KBTBD4: variants seen among roughly 807,000 people sequenced by gnomAD.
The protein encoded by KBTBD4 is kelch repeat and BTB domain-containing protein 4.
Under a neutral mutation model 43.9 loss-of-function variants are expected in KBTBD4, and 30 were observed. That is an observed-to-expected ratio of 0.68 (90% CI 0.51 to 0.93). KBTBD4 has a LOEUF of 0.93. Ranked by LOEUF, KBTBD4 falls within the 40% of genes least tolerant of loss-of-function variation. The pLI is 0.00. For missense variants in KBTBD4, 575 were observed against 668.8 expected (o/e 0.86, Z 1.55); for synonymous variants, 258 against 256.9 (o/e 1.00, Z -0.04).
intron 2 of KBTBD4, chr11:47,576,329 G>C (rs1035558228): frequency 1.3e-5 from 2 of 151,188 alleles, no homozygotes; most frequent in Admixed American, 1.3e-4. Flanking sequence ...ACCATGCCCA[G>C]GTAATTTTTT....
At chr11:47,575,412 CAGG>C (rs1308570411) in intron 3 of KBTBD4, among the ~76,000 whole-genome samples, 178 bp downstream of exon 3, 1 of 150,590 alleles carries the variant, frequency 6.6e-6, no homozygotes, top group Non-Finnish European at 1.5e-5. Context: ...GAGGCTGAGG[CAGG>C]AGAATGGTGT....
Position 47,572,627 on chromosome 11 carries a change from A to G in KBTBD4, c.*303T>C, listed in dbSNP as rs1056618104. ...TGCTTACATTTAACATTGATCAGGTAAAGAGGAGAGGCTGTGCCTAAGGTC... is the reference window on the plus strand; with the variant it reads ...TGCTTACATTTAACATTGATCAGGTGAAGAGGAGAGGCTGTGCCTAAGGTC... On this transcript the variant is annotated 3_prime_UTR_variant, in exon 4 of 4. Transcript: ENST00000430070. The G allele has an allele frequency of 7.7e-6, 3 of 390,822 alleles. No homozygotes were observed. Among genetic ancestry groups the G allele is most frequent in the African/African-American group, 6.0e-5 (3 of 49,778 alleles). 24.2% of individuals were successfully genotyped at this position (390,822 alleles called of 1,614,324 possible).
rs368260283 is a variant in KBTBD4 at position 47,577,840 on chromosome 11, G to A, written c.208C>T (p.Arg70Trp). Residue 70 changes from arginine (R) to tryptophan (W), a missense_variant, in exon 2 of 4, where the codon CGG (arginine) becomes TGG (tryptophan). By Grantham distance (101) the Arg-to-Trp change is moderately radical (BLOSUM62 -3). Coordinates refer to ENST00000430070, the MANE Select transcript of KBTBD4 (RefSeq NM_018095.6). ...ACCAGCCGATGGAGCTGAAACTCCC[G>A]GCCTTCCACCGAAATGGTGACATCA... Reference protein sequence around the residue: ...FADVTISVEGREFQLHRLVLS... With the variant: ...FADVTISVEGWEFQLHRLVLS... 2.1e-5 allele frequency: 34 copies of A among 1,614,114 alleles called. No individual in the cohort carries two copies. Among genetic ancestry groups the A allele is most frequent in the African/African-American group, 2.7e-5 (2 of 75,010 alleles).
chr11:47,573,686 T>TA lies in KBTBD4; in HGVS notation c.848dup (p.Ser284LysfsTer40). 1 of 1,611,206 alleles carries TA rather than the reference T, an allele frequency of 6.2e-7. No homozygotes were observed. The highest frequency in any genetic ancestry group is 8.5e-7 in the Non-Finnish European group (1 of 1,180,020). ...GGTGGCACAAACTGTTTTGGCCACT[T>TA]ACACTGATGGAGTCATCTTCTGCAC... On this transcript the variant is annotated frameshift_variant, in exon 4 of 4. Coordinates refer to ENST00000430070, the MANE Select transcript of KBTBD4 (RefSeq NM_018095.6). LOFTEE classifies it high-confidence loss of function. This position sits in a 1 kb window ranked among gnomAD's most constrained non-coding sequence, Gnocchi z 4.1.
chr11:47,574,781 G>A (rs2097256044), intron 3 of KBTBD4, among the ~76,000 whole-genome samples: 2 of 152,088 alleles, frequency 1.3e-5, no homozygotes, highest in African/African-American at 2.4e-5. Flanking sequence ...TTGAACCCAG[G>A]AGGTAGAGGT....
Position 47,573,605 on chromosome 11 carries a change from G to A in KBTBD4, c.930C>T (p.Ile310=). 2 of 1,614,142 alleles carry A rather than the reference G, an allele frequency of 1.2e-6. No homozygotes were observed. The highest frequency in any genetic ancestry group is 1.7e-6 in the Non-Finnish European group (2 of 1,180,026). ...TGTTGCACTTCCACATGCGCCGTGG[G>A]ATGGACCCTCCCACCACATACAAGT... ...GGDLYVVGGS[I]PRRMWKCNNA... is the part of the protein sequence containing the mutation. The change falls in exon 4 of 4, where the codon ATC becomes ATT. Residue 310 remains isoleucine (I), a synonymous_variant. Coordinates refer to ENST00000430070, the MANE Select transcript of KBTBD4 (RefSeq NM_018095.6). This position sits in a 1 kb window ranked among gnomAD's most constrained non-coding sequence, Gnocchi z 4.1.
Position 47,573,863 on chromosome 11 carries a change from A to G in KBTBD4, c.745-73T>C. 1.5e-6 allele frequency: 2 copies of G among 1,354,696 alleles called. No homozygotes were observed. The highest frequency in any genetic ancestry group is 2.7e-5 in the South Asian group (2 of 73,500). 83.9% of individuals were successfully genotyped at this position (1,354,696 alleles called of 1,614,324 possible). A position where few individuals can be genotyped will look rare whatever the true frequency, so the allele number is the denominator to read the frequency against. ...AGGCTCAGCTAAGACACATATCCTTAAGATCCTGGCCCTCACACTTGTTCC... is the reference window on the plus strand; with the variant it reads ...AGGCTCAGCTAAGACACATATCCTTGAGATCCTGGCCCTCACACTTGTTCC... On this transcript the variant is annotated intron_variant, in intron 3 of 3. Coordinates refer to ENST00000430070, the MANE Select transcript of KBTBD4 (RefSeq NM_018095.6). This position sits in a 1 kb window ranked among gnomAD's most constrained non-coding sequence, Gnocchi z 4.1.
In KBTBD4 at chr11:47,572,272, C is replaced by A. The variant is rs1288991628; in HGVS notation, c.*658G>T. ...CTTAGAGCTTTTAAAAGAGCAGACA[C>A]CTTATATATTTGAGATTGAAAAAGT... On this transcript the variant is annotated 3_prime_UTR_variant, in exon 4 of 4. Coordinates refer to ENST00000430070, the MANE Select transcript of KBTBD4 (RefSeq NM_018095.6). 6 of 152,852 alleles carry A rather than the reference C, an allele frequency of 3.9e-5. No homozygotes were observed. 9.5% of individuals were successfully genotyped at this position (152,852 alleles called of 1,614,324 possible). A position where few individuals can be genotyped will look rare whatever the true frequency, so the allele number is the denominator to read the frequency against.
In KBTBD4 at chr11:47,578,934, T is replaced by C; in HGVS notation, c.18A>G (p.Ala6=). Residue 6 remains alanine (A), a splice_region_variant and synonymous_variant, in exon 1 of 4, where the codon GCA becomes GCG. Coordinates refer to ENST00000430070, the MANE Select transcript of KBTBD4 (RefSeq NM_018095.6). The part of the protein sequence containing the change: MKGGN[A]DSWQREKLAS... ...TACCTGCCTGTCTCGCTTTCTCACC[T>C]GCGTTCCCTCCTTTCATCCCGGAGC... 1 of 1,551,794 alleles carries C rather than the reference T, an allele frequency of 6.4e-7. No individual in the cohort carries two copies. The highest frequency in any genetic ancestry group is 8.7e-7 in the Non-Finnish European group (1 of 1,147,022).
chr11:47,572,731 G>T lies in KBTBD4; in HGVS notation c.*199C>A. 1 of 607,670 alleles carries T rather than the reference G, an allele frequency of 1.6e-6. No individual in the cohort carries two copies. Among genetic ancestry groups the T allele is most frequent in the South Asian group, 2.1e-5 (1 of 47,262 alleles). The allele number at this position is 607,670 out of a possible 1,614,324, so 37.6% of individuals were successfully genotyped here. A position where few individuals can be genotyped will look rare whatever the true frequency, so the allele number is the denominator to read the frequency against. On this transcript the variant is annotated 3_prime_UTR_variant, in exon 4 of 4. Coordinates refer to ENST00000430070, the MANE Select transcript of KBTBD4 (RefSeq NM_018095.6). ...ATGGCAGAGAACAGGCTGGCCTACTGTCAGTTCAAGCAACCAGCTGAGCAG... is the reference window on the plus strand; with the variant it reads ...ATGGCAGAGAACAGGCTGGCCTACTTTCAGTTCAAGCAACCAGCTGAGCAG...
intron 2 of KBTBD4, among the ~76,000 whole-genome samples, chr11:47,576,013 T>C (rs1403433615): frequency 6.6e-6 from 1 of 151,840 alleles, no homozygotes; most frequent in Non-Finnish European, 1.5e-5. Flanking sequence ...CCACCACGCC[T>C]GGCTAATTTT....
Position 47,572,813 on chromosome 11 carries a change from G to T in KBTBD4, c.*117C>A. On this transcript the variant is annotated 3_prime_UTR_variant, in exon 4 of 4. Coordinates refer to ENST00000430070, the MANE Select transcript of KBTBD4 (RefSeq NM_018095.6). ...TCCATGGATTCAGGGAAGGGCTGAGGCACTGCCTTTCTAGTATGTGCCAAA... is the reference window on the plus strand; with the variant it reads ...TCCATGGATTCAGGGAAGGGCTGAGTCACTGCCTTTCTAGTATGTGCCAAA... 2 of 1,054,222 alleles carry T rather than the reference G, an allele frequency of 1.9e-6. No homozygotes were observed. The highest frequency in any genetic ancestry group is 2.7e-6 in the Non-Finnish European group (2 of 731,616). 65.3% of individuals were successfully genotyped at this position (1,054,222 alleles called of 1,614,324 possible). A position where few individuals can be genotyped will look rare whatever the true frequency, so the allele number is the denominator to read the frequency against.
At position 47,577,492 on chromosome 11, in the gene KBTBD4, C is replaced by T. The variant is rs775921659; in HGVS notation, c.556G>A (p.Ala186Thr). ...TGCAGCTGGGCCAGGTGGGTCTTGG[C>T]ACAGTGCTTGGCAGCCGTATAGAGC... ...PELYTAAKHCAKTHLAQLQNT... is the reference protein window; with the variant it reads ...PELYTAAKHCTKTHLAQLQNT... The change falls in exon 2 of 4, where the codon GCC becomes ACC. Residue 186 changes from alanine (A) to threonine (T), a missense_variant. Ala to Thr is a moderately conservative substitution (Grantham distance 58). Transcript: ENST00000430070. 2.1e-5 allele frequency: 34 copies of T among 1,614,014 alleles called. No homozygotes were observed. Among genetic ancestry groups the T allele is most frequent in the Admixed American group, 3.3e-5 (2 of 59,974 alleles).
Position 47,572,900 on chromosome 11 carries a change from G to A in KBTBD4, c.*30C>T. On this transcript the variant is annotated 3_prime_UTR_variant, in exon 4 of 4. Transcript: ENST00000430070. ...GAGTTTGTATGGGGAGGGAAAAGGA[G>A]TGAGCAGTTCTCCTCCCCTCCCCAC... 6.3e-7 allele frequency: 1 copy of A among 1,588,696 alleles called. No individual in the cohort carries two copies. Among genetic ancestry groups the A allele is most frequent in the Non-Finnish European group, 8.6e-7 (1 of 1,165,220 alleles).
At chr11:47,575,372 T>C (rs879822287) in intron 3 of KBTBD4, among the ~76,000 whole-genome samples, 1 of 151,448 alleles carries the variant, frequency 6.6e-6, no homozygotes, top group Non-Finnish European at 1.5e-5. Context: ...CCGGGCGTGG[T>C]GGTGGGCACC....
Position 47,573,257 on chromosome 11 carries a change from G to C in KBTBD4, c.1278C>G (p.Cys426Trp), listed in dbSNP as rs2097252845. ...IQCFDTETDK[C>W]HVKPYVLPFA... ...AGGGCAGCACATAGGGCTTCACATG[G>C]CATTTGTCTGTCTCTGTGTCAAAGC... The change falls in exon 4 of 4, where the codon TGC becomes TGG. Residue 426 changes from cysteine (C) to tryptophan (W), a missense_variant. Cys to Trp is a radical substitution (Grantham distance 215). Transcript: ENST00000430070. The surrounding 1 kb of genome is among the most constrained non-coding windows in gnomAD (Gnocchi z 4.1). The C allele has an allele frequency of 1.2e-6, 2 of 1,614,130 alleles. No individual in the cohort carries two copies. Among genetic ancestry groups the C allele is most frequent in the Non-Finnish European group, 1.7e-6 (2 of 1,180,016 alleles).
intron 2 of KBTBD4, among the ~76,000 whole-genome samples, chr11:47,576,168 T>C (rs1162521161): frequency 2.2e-5 from 3 of 137,432 alleles, no homozygotes; most frequent in African/African-American, 5.5e-5. Context: ...CTTTTTTTTT[T>C]TTTTTTTTTT....
intron 2 of KBTBD4, 106 bp from the exon 3 acceptor site, chr11:47,575,805 G>A (rs531688628): frequency 9.6e-5 from 64 of 664,968 alleles, no homozygotes; most frequent in Non-Finnish European, 1.6e-4. Flanking sequence ...TGCTGGGCAT[G>A]TGTATATGTG....
chr11:47,578,792 A>G lies in KBTBD4; in HGVS notation c.19+141T>C, dbSNP rs557982483. The G allele has an allele frequency of 1.7e-4, 265 of 1,534,630 alleles. No homozygotes were observed. The African/African-American group carries it at 3.0e-3, about 18-fold the overall frequency. On this transcript the variant is annotated intron_variant, in intron 1 of 3. Coordinates refer to ENST00000430070, the MANE Select transcript of KBTBD4 (RefSeq NM_018095.6). Reference sequence around the variant, plus strand: ...AGAGCGGGGGAGGGGTGTGTAGCGTAGAACCCAAAACGCCCGCCCCCTCCC... The same window carrying G: ...AGAGCGGGGGAGGGGTGTGTAGCGTGGAACCCAAAACGCCCGCCCCCTCCC...
Sources: allele counts gnomAD v4.1 joint callset (sites outside exome capture counted in the v4.1 genomes callset), GRCh38; gene constraint gnomAD v4.1.1; non-coding constraint Gnocchi (gnomAD v3.1); transcripts MANE v1.5; gene names NCBI Gene and HGNC (gene_info 2026-07-23, HGNC 2026-07-21).